LTBP1: variants seen among roughly 807,000 people sequenced by gnomAD.
The protein encoded by LTBP1 is latent transforming growth factor beta binding protein 1.
In LTBP1, 129 loss-of-function variants were observed where a neutral mutation model predicts 207.6. The observed-to-expected ratio is 0.62, with a 90% CI of 0.54 to 0.72. LTBP1 has a LOEUF of 0.72. Among genes scored for constraint, LTBP1 ranks in the 30% least tolerant of loss-of-function variants. LTBP1 has a pLI of 0.00. For missense variants in LTBP1, 2,281 were observed against 2,217.2 expected (o/e 1.03, Z -0.58); for synonymous variants, 963 against 833.7 (o/e 1.16, Z -2.67).
At chr2:33,394,006 T>G (rs953923496) in intron 32 of LTBP1, among the ~76,000 whole-genome samples, 1 of 151,508 alleles carries the variant, frequency 6.6e-6, no homozygotes, top group African/African-American at 2.4e-5. Flanking sequence ...AGATGGTATC[T>G]CATTGTGGTT....
rs2077367428 is a variant in LTBP1, at chr2:33,063,637, A to T, written c.863+42431A>T. 2.6e-5 allele frequency among the ~76,000 whole-genome samples: 4 copies of T among 152,086 alleles called. No homozygotes were observed. The South Asian group carries it at 8.3e-4, about 32-fold the overall frequency. Reference sequence around the variant, plus strand: ...ACATAAATATTAAAAGTTTTTTGGGATCCTCAGTTGTTTTTGAGAGTTTCA... The same window carrying T: ...ACATAAATATTAAAAGTTTTTTGGGTTCCTCAGTTGTTTTTGAGAGTTTCA... On this transcript the variant is annotated intron_variant, in intron 3 of 33. Coordinates refer to ENST00000404816, the MANE Select transcript of LTBP1 (RefSeq NM_206943.4).
intron 19 of LTBP1, among the ~76,000 whole-genome samples, chr2:33,280,403 T>C (rs2093536452): frequency 1.3e-5 from 2 of 152,076 alleles, no homozygotes; most frequent in African/African-American, 4.8e-5. Flanking sequence ...CCTAATGAGA[T>C]AAATATCCAA....
intron 9 of LTBP1, among the ~76,000 whole-genome samples, chr2:33,231,737 A>G (rs2091802153): frequency 6.6e-6 from 1 of 152,146 alleles, no homozygotes; most frequent in African/African-American, 2.4e-5. Context: ...ATTAAAACAG[A>G]CATGTAGAAT....
intron 2 of LTBP1, among the ~76,000 whole-genome samples, chr2:32,978,107 G>A (rs1050547408): frequency 6.6e-6 from 1 of 152,062 alleles, no homozygotes; most frequent in African/African-American, 2.4e-5. Flanking sequence ...AGTTCTAATA[G>A]TTTTTTGGTG....
chr2:33,305,268 G>A (rs1182453371), intron 22 of LTBP1, among the ~76,000 whole-genome samples: 2 of 152,270 alleles, frequency 1.3e-5, no homozygotes, highest in South Asian at 4.1e-4. Flanking sequence ...AGGTTGCAAC[G>A]AGCCAAGATC....
Position 33,020,993 on chromosome 2 carries a change from C to T in LTBP1, c.650C>T (p.Ala217Val), listed in dbSNP as rs373925915. ...TGTAAACCAGGGACCAAGGGCAAAG[C>T]CTGTGAAACAATAGCTGCCCAGGAC... ...CVCKPGTKGKACETIAAQDTS... is the reference protein window; with the variant it reads ...CVCKPGTKGKVCETIAAQDTS... The change falls in exon 3 of 34, where the codon GCC (alanine) becomes GTC (valine). Residue 217 changes from alanine (A) to valine (V), a missense_variant. Around this residue, in one of 3 missense-constraint regions of LTBP1, gnomAD observed 555 missense variants for 491.0 expected, o/e 1.13. Coordinates refer to ENST00000404816, the MANE Select transcript of LTBP1 (RefSeq NM_206943.4). 1 of 1,613,704 alleles carries T rather than the reference C, an allele frequency of 6.2e-7. No homozygotes were observed. The highest frequency in any genetic ancestry group is 1.7e-5 in the Admixed American group (1 of 59,998).
At chr2:32,993,504 G>A (rs1011205250) in intron 2 of LTBP1, among the ~76,000 whole-genome samples, 1 of 152,110 alleles carries the variant, frequency 6.6e-6, no homozygotes, top group African/African-American at 2.4e-5. Context: ...AGACCCTCAG[G>A]AAATCCTTGC....
rs911161937 is a variant in LTBP1, at chr2:33,001,906, A to G, written c.566-19003A>G. Among the ~76,000 whole-genome samples, 4 of 134,972 alleles carry G rather than the reference A, an allele frequency of 3.0e-5. 1 individual carries two copies. Among genetic ancestry groups the G allele is most frequent in the African/African-American group, 1.0e-4 (4 of 38,656 alleles). 88.5% of individuals were successfully genotyped at this position (134,972 alleles called of 152,430 possible). On this transcript the variant is annotated intron_variant, in intron 2 of 33. Coordinates refer to ENST00000404816, the MANE Select transcript of LTBP1 (RefSeq NM_206943.4). ...AAAGTGTCCTGTTGTAGAAACTCCC[A>G]TCTTTGTAGAGATTTCCATCCTTTC...
In LTBP1 at chr2:33,254,219, C is replaced by T. The variant is rs79372135; in HGVS notation, c.2167+1375C>T. On this transcript the variant is annotated intron_variant, in intron 11 of 33. Coordinates refer to ENST00000404816, the MANE Select transcript of LTBP1 (RefSeq NM_206943.4). ...AAGTAATCTTTATAATTTATAGACA[C>T]GTTTCTCTTGAAGTTCAGTTTTTAA... is the stretch of plus-strand genomic sequence containing the variant. Among the ~76,000 whole-genome samples the T allele has an allele frequency of 4.8e-3, 736 of 152,096 alleles. 7 individuals are homozygous for T. The highest frequency in any genetic ancestry group is 0.017 in the African/African-American group (702 of 41,502).
Position 33,261,517 on chromosome 2 carries a change from G to C in LTBP1, c.2419-1205G>C, listed in dbSNP as rs546107623. Among the ~76,000 whole-genome samples the C allele has an allele frequency of 2.6e-4, 40 of 152,208 alleles. 1 individual carries two copies. The highest frequency in any genetic ancestry group is 5.1e-4 in the Non-Finnish European group (35 of 68,042). On this transcript the variant is annotated intron_variant, in intron 13 of 33. Transcript: ENST00000404816. ...ATTACAATAAACTGAAAATGAGAGTGAGTCCGGCCTAGGGTGGTGGGATCT... is the reference window on the plus strand; with the variant it reads ...ATTACAATAAACTGAAAATGAGAGTCAGTCCGGCCTAGGGTGGTGGGATCT...
intron 18 of LTBP1, among the ~76,000 whole-genome samples, chr2:33,277,668 TA>T (rs1011079720): frequency 7.9e-5 from 12 of 151,740 alleles, no homozygotes; most frequent in African/African-American, 1.5e-4. Context: ...GGGAGTGCTT[TA>T]AAAAAATGGG....
intron 4 of LTBP1, among the ~76,000 whole-genome samples, chr2:33,119,661 ATTC>A (rs1417080026): frequency 6.6e-6 from 1 of 152,076 alleles, no homozygotes; most frequent in Non-Finnish European, 1.5e-5. Flanking sequence ...GGTTCATGCC[ATTC>A]TTCTGCCTCA....
Position 33,347,509 on chromosome 2 carries a change from A to G in LTBP1, c.3999A>G (p.Thr1333=), listed in dbSNP as rs762292150. Residue 1333 remains threonine, a splice_region_variant and synonymous_variant, in exon 26 of 34, where the codon ACA becomes ACG. Transcript: ENST00000404816. ...GGCAGTGCCGCTCCCGGACCTCCACAGGTAAGTCCCAGTGACACTGTGCAA... is the reference window on the plus strand; with the variant it reads ...GGCAGTGCCGCTCCCGGACCTCCACGGGTAAGTCCCAGTGACACTGTGCAA... ...MTGQCRSRTS[T]DLDVDVDQPK... is the part of the protein sequence containing the mutation. 1.2e-6 allele frequency: 2 copies of G among 1,614,086 alleles called. No homozygotes were observed. The highest frequency in any genetic ancestry group is 2.2e-5 in the East Asian group (1 of 44,888).
chr2:33,055,343 A>C (rs1262406182), intron 3 of LTBP1, among the ~76,000 whole-genome samples: 1 of 152,150 alleles, frequency 6.6e-6, no homozygotes, highest in Non-Finnish European at 1.5e-5. Flanking sequence ...AGGCAGAAGA[A>C]TTTTCTTCCT....
chr2:33,300,801 T>G (rs1300876303), intron 21 of LTBP1, among the ~76,000 whole-genome samples: 1 of 152,234 alleles, frequency 6.6e-6, no homozygotes, highest in Non-Finnish European at 1.5e-5. Flanking sequence ...GGCATTAGTA[T>G]TAAGAAGAAA....
Position 33,240,872 on chromosome 2 carries a change from G to A in LTBP1, c.1877-2790G>A, listed in dbSNP as rs1199036433. 3.3e-5 allele frequency among the ~76,000 whole-genome samples: 5 copies of A among 151,866 alleles called. No individual in the cohort carries two copies. In the East Asian group the frequency reaches 5.8e-4, roughly 18 times the overall value. ...TCACTGTGTTAGCCAGGATGGTCTC[G>A]ATCTCCTGACTTCGTGATCTGCCCA... On this transcript the variant is annotated intron_variant, in intron 9 of 33. Transcript: ENST00000404816.
At chr2:33,227,844 C>T (rs534778362) in intron 9 of LTBP1, among the ~76,000 whole-genome samples, 58 of 130,050 alleles carry the variant, frequency 4.5e-4, no homozygotes, top group African/African-American at 1.5e-3. Context: ...CTCGCTCTGT[C>T]GCCAGGCTGG....
chr2:33,283,988 T>G (rs1420578213), intron 19 of LTBP1, among the ~76,000 whole-genome samples: 1 of 152,236 alleles, frequency 6.6e-6, no homozygotes, highest in Non-Finnish European at 1.5e-5. Flanking sequence ...TAAACTGGTC[T>G]ATCTTCACGT....
chr2:33,311,581 A>G (rs1019195381), intron 23 of LTBP1, among the ~76,000 whole-genome samples: 4 of 149,454 alleles, frequency 2.7e-5, no homozygotes, highest in Non-Finnish European at 4.4e-5. Context: ...TGTTTTTATT[A>G]TAGGCTTTTT....
Sources: gnomAD v4.1 joint callset for allele counts (sites outside exome capture counted in the v4.1 genomes callset) on GRCh38, gnomAD v4.1.1 for gene constraint, gnomAD v4.1.1 regional missense constraint, MANE v1.5 for transcripts, NCBI Gene and HGNC (gene_info 2026-07-23, HGNC 2026-07-21) for gene names.